The following FHIT variants were observed in gnomAD, a reference collection of about 807,000 sequenced individuals.
FHIT encodes bis(5'-adenosyl)-triphosphatase.
A neutral mutation model predicts 17.9 loss-of-function variants in FHIT; 19 were observed. That is an observed-to-expected ratio of 1.06 (90% CI 0.74 to 1.56). FHIT has a LOEUF of 1.56. Ranked by LOEUF, FHIT falls within the 40% of genes most tolerant of loss-of-function variation. The probability of loss-of-function intolerance (pLI) is 0.00; values close to 1 mark genes in which losing one functional copy is unlikely to be tolerated. For missense variants in FHIT, 248 were observed against 189.2 expected, an observed-to-expected ratio of 1.31 and a Z score of -1.82; for synonymous variants, 81 against 69.7, an observed-to-expected ratio of 1.16 and a Z score of -0.81.
intron 2 of FHIT, among the ~76,000 whole-genome samples, chr3:61,171,058 C>T (rs560530896): frequency 1.3e-5 from 2 of 152,278 alleles, no homozygotes; most frequent in East Asian, 3.9e-4. Flanking sequence ...AACTAATTTA[C>T]ACTCCCACCA....
intron 4 of FHIT, among the ~76,000 whole-genome samples, chr3:60,596,313 G>T (rs2856021): frequency 0.85 from 128,780 of 152,008 alleles, 54,898 homozygotes; most frequent in Non-Finnish European, 0.89. Flanking sequence ...TCTTCAGCAC[G>T]CACAGGCTGC....
At chr3:61,199,869 TG>T (rs1274139403) in intron 2 of FHIT, among the ~76,000 whole-genome samples, 1 of 152,192 alleles carries the variant, frequency 6.6e-6, no homozygotes, top group African/African-American at 2.4e-5. Context: ...GCCCTATAAT[TG>T]CCCAGAATGA....
At chr3:60,163,559 C>T (rs1230291974) in intron 5 of FHIT, among the ~76,000 whole-genome samples, 1 of 152,140 alleles carries the variant, frequency 6.6e-6, no homozygotes, top group African/African-American at 2.4e-5. Context: ...GTTCCCTACC[C>T]ATCTCTGCCA....
intron 5 of FHIT, among the ~76,000 whole-genome samples, chr3:60,041,289 T>C (rs1701429306): frequency 6.6e-6 from 1 of 152,320 alleles, no homozygotes; most frequent in East Asian, 1.9e-4. Context: ...GCTGCCTTGA[T>C]AATGACCTTT....
chr3:59,858,579 G>A (rs1702275788), intron 8 of FHIT, among the ~76,000 whole-genome samples: 1 of 151,862 alleles, frequency 6.6e-6, no homozygotes, highest in African/African-American at 2.4e-5. Flanking sequence ...GCAGGAGCGA[G>A]GGGTGTCTTG....
chr3:61,018,780 T>C (rs377379527), intron 3 of FHIT, among the ~76,000 whole-genome samples: 1 of 152,244 alleles, frequency 6.6e-6, no homozygotes, highest in East Asian at 1.9e-4. Context: ...ATTTTTGTTC[T>C]TGTTTTAGTT....
In FHIT at chr3:59,777,682, C is replaced by T. The variant is rs144100903; in HGVS notation, c.349-25361G>A. On this transcript the variant is annotated intron_variant, in intron 8 of 9. Transcript: ENST00000492590. The stretch of plus-strand genomic sequence containing the variant: ...AAAGTTAAATCAGATCATGTCATTC[C>T]CTTGCCTAATACCTTCTAACTCTAA... Among the ~76,000 whole-genome samples, 592 of 152,264 alleles carry T rather than the reference C, an allele frequency of 3.9e-3. 3 individuals carry two copies. The highest frequency in any genetic ancestry group is 0.014 in the African/African-American group (561 of 41,554).
chr3:61,191,768 T>TAC (rs1463159639), intron 2 of FHIT, among the ~76,000 whole-genome samples: 2 of 151,994 alleles, frequency 1.3e-5, no homozygotes, highest in Admixed American at 6.6e-5. Flanking sequence ...ACCCATGCCC[T>TAC]ACACACACAC....
intron 8 of FHIT, among the ~76,000 whole-genome samples, chr3:59,877,383 C>A (rs56156676): frequency 0.022 from 3,318 of 152,220 alleles, 47 homozygotes; most frequent in South Asian, 0.062. Context: ...TGAGTGGGTG[C>A]TGATGACCAT....
At chr3:60,538,075 C>T (rs2036051507) in intron 4 of FHIT, among the ~76,000 whole-genome samples, 1 of 152,096 alleles carries the variant, frequency 6.6e-6, no homozygotes, top group Non-Finnish European at 1.5e-5. Flanking sequence ...TGTCTAGCAG[C>T]CTCTAAGAGT....
chr3:60,469,872 C>T (rs975777794), intron 5 of FHIT, among the ~76,000 whole-genome samples: 9 of 152,066 alleles, frequency 5.9e-5, no homozygotes, highest in South Asian at 2.1e-4. Flanking sequence ...TTAGGGGTGC[C>T]CCAAGCCCAA....
At chr3:59,910,850 C>T (rs1435868503) in intron 8 of FHIT, among the ~76,000 whole-genome samples, 1 of 151,818 alleles carries the variant, frequency 6.6e-6, no homozygotes, top group South Asian at 2.1e-4. Flanking sequence ...GAAAGCACAG[C>T]TTAGTTTTTG....
chr3:59,953,567 C>G (rs111467536), intron 7 of FHIT, among the ~76,000 whole-genome samples: 7 of 152,142 alleles, frequency 4.6e-5, no homozygotes, highest in Admixed American at 3.9e-4. Flanking sequence ...TCGTTTTTCC[C>G]CAACAAAACT....
At chr3:60,044,362 T>G (rs1180025721) in intron 5 of FHIT, among the ~76,000 whole-genome samples, 1 of 152,194 alleles carries the variant, frequency 6.6e-6, no homozygotes, top group Non-Finnish European at 1.5e-5. Context: ...AACTTCTAAG[T>G]AGAACAGAGC....
chr3:59,825,889 G>A (rs1159269643), intron 8 of FHIT, among the ~76,000 whole-genome samples: 1 of 152,088 alleles, frequency 6.6e-6, no homozygotes, highest in Non-Finnish European at 1.5e-5. Context: ...TTCTTTAATG[G>A]CCATTTTATA....
intron 8 of FHIT, among the ~76,000 whole-genome samples, chr3:59,848,060 G>A (rs1024107419): frequency 2.0e-4 from 30 of 152,084 alleles, no homozygotes; most frequent in African/African-American, 9.7e-5. Context: ...GATTGAAAAC[G>A]GCAATCAGTA....
chr3:59,749,894 T>C (rs1386614763), intron 9 of FHIT: 1 of 225,798 alleles, frequency 4.4e-6, no homozygotes, highest in Non-Finnish European at 8.8e-6. Flanking sequence ...GACCCTAAGT[T>C]GTTTGCCACC....
intron 5 of FHIT, among the ~76,000 whole-genome samples, chr3:60,319,339 A>C (rs940705698): frequency 6.6e-6 from 1 of 152,170 alleles, no homozygotes; most frequent in African/African-American, 2.4e-5. Context: ...TGGCAGAACA[A>C]AACGGTGTGT....
intron 4 of FHIT, among the ~76,000 whole-genome samples, chr3:60,756,561 C>T (rs782382968): frequency 6.6e-6 from 1 of 152,012 alleles, no homozygotes; most frequent in Admixed American, 6.6e-5. Context: ...GATTCAAAGA[C>T]TAATAAAATG....
Sources: allele counts gnomAD v4.1 joint callset (sites outside exome capture counted in the v4.1 genomes callset), GRCh38; gene constraint gnomAD v4.1.1; transcripts MANE v1.5; gene names NCBI Gene and HGNC (gene_info 2026-07-23, HGNC 2026-07-21).